The following ARB2A variants were observed in gnomAD, a reference collection of about 807,000 sequenced individuals.
The protein encoded by ARB2A is cotranscriptional regulator ARB2A.
At chr5:93,850,071 C>A in the ARB2A span, among the ~76,000 whole-genome samples, 5 of 152,012 alleles carry the variant, frequency 3.3e-5, no homozygotes, top group Non-Finnish European at 4.4e-5. Flanking sequence ...TTCATTTGCC[C>A]AACATAATAT....
chr5:93,883,918 TACACATACACAC>T, the ARB2A span, among the ~76,000 whole-genome samples: 151 of 68,386 alleles, frequency 2.2e-3, 1 homozygote, highest in African/African-American at 7.7e-3. Flanking sequence ...CACATACACA[TACACATACACAC>T]ACACACACAC....
chr5:93,772,477 T>A, the ARB2A span, among the ~76,000 whole-genome samples: 209 of 151,276 alleles, frequency 1.4e-3, no homozygotes, highest in African/African-American at 4.6e-3. Context: ...TAAAAAAATT[T>A]AAAAAAAAAG....
chr5:93,688,947 T>C, the ARB2A span, among the ~76,000 whole-genome samples: 2 of 152,174 alleles, frequency 1.3e-5, no homozygotes, highest in African/African-American at 4.8e-5. Flanking sequence ...ACTCTCTTAA[T>C]CCATTACCCT....
the ARB2A span, among the ~76,000 whole-genome samples, chr5:93,807,834 T>C: frequency 3.9e-5 from 6 of 151,936 alleles, no homozygotes; most frequent in African/African-American, 1.4e-4. Flanking sequence ...AAAAAAGCAA[T>C]ACTTATCCTT....
chr5:93,799,446 A>C, the ARB2A span, among the ~76,000 whole-genome samples: 1 of 152,072 alleles, frequency 6.6e-6, no homozygotes. Flanking sequence ...TAGCCTTCAC[A>C]TTAACACTGC....
the ARB2A span, among the ~76,000 whole-genome samples, chr5:93,686,600 C>T: frequency 6.6e-6 from 1 of 152,142 alleles, no homozygotes; most frequent in East Asian, 1.9e-4. Flanking sequence ...TTTCACTTCT[C>T]AACCTTTGCT....
the ARB2A span, among the ~76,000 whole-genome samples, chr5:93,963,679 G>A: frequency 6.6e-6 from 1 of 151,842 alleles, no homozygotes; most frequent in Non-Finnish European, 1.5e-5. Flanking sequence ...GCAAAGTGTT[G>A]TGCCTTAAAT....
the ARB2A span, among the ~76,000 whole-genome samples, chr5:93,671,784 T>C: frequency 6.6e-6 from 1 of 152,174 alleles, no homozygotes; most frequent in Non-Finnish European, 1.5e-5. Context: ...AATTGGTTGG[T>C]CACTGAAATA....
At chr5:93,854,958 T>G in the ARB2A span, among the ~76,000 whole-genome samples, 1 of 152,194 alleles carries the variant, frequency 6.6e-6, no homozygotes, top group East Asian at 1.9e-4. Flanking sequence ...GAGAGTTCTG[T>G]AGATGTCTAT....
At chr5:94,103,984 G>A in the ARB2A span, among the ~76,000 whole-genome samples, 37 of 151,626 alleles carry the variant, frequency 2.4e-4, no homozygotes, top group Non-Finnish European at 4.7e-4. Flanking sequence ...TGACATACCA[G>A]ATTCTCTGAG....
chr5:93,784,712 T>G, the ARB2A span, among the ~76,000 whole-genome samples: 1 of 152,136 alleles, frequency 6.6e-6, no homozygotes, highest in Non-Finnish European at 1.5e-5. Context: ...AAAATACCAC[T>G]TAAGTCTTAG....
chr5:94,082,951 C>G, the ARB2A span, among the ~76,000 whole-genome samples: 1 of 152,092 alleles, frequency 6.6e-6, no homozygotes, highest in African/African-American at 2.4e-5. Flanking sequence ...ATCCAGAAAA[C>G]AAAACACATA....
At chr5:93,974,847 A>G in the ARB2A span, among the ~76,000 whole-genome samples, 1 of 152,200 alleles carries the variant, frequency 6.6e-6, no homozygotes, top group Non-Finnish European at 1.5e-5. Context: ...CACACAAACT[A>G]TATATGGATA....
chr5:93,666,069 A>G, the ARB2A span, among the ~76,000 whole-genome samples: 11 of 152,308 alleles, frequency 7.2e-5, no homozygotes, highest in African/African-American at 2.6e-4. Context: ...CTAGATGAAT[A>G]TTTAGTTTGA....
chr5:94,063,599 T>G, the ARB2A span, among the ~76,000 whole-genome samples: 1 of 151,866 alleles, frequency 6.6e-6, no homozygotes, highest in African/African-American at 2.4e-5. Context: ...AGCATATGCC[T>G]CCCTGGAACC....
At chr5:93,902,468 A>G in the ARB2A span, among the ~76,000 whole-genome samples, 1 of 152,184 alleles carries the variant, frequency 6.6e-6, no homozygotes, top group African/African-American at 2.4e-5. Flanking sequence ...GGCTTGAGAT[A>G]GGGTACAAAG....
the ARB2A span, among the ~76,000 whole-genome samples, chr5:94,053,842 C>G: frequency 6.6e-6 from 1 of 152,176 alleles, no homozygotes; most frequent in African/African-American, 2.4e-5. Context: ...TCTTGGCTCA[C>G]TCTCCAACCT....
At chr5:93,810,195 G>A in the ARB2A span, among the ~76,000 whole-genome samples, 7 of 136,832 alleles carry the variant, frequency 5.1e-5, no homozygotes, top group African/African-American at 1.1e-4. Context: ...TGTAGGTTTC[G>A]TTTTTTTTTT....
At chr5:93,811,298 C>A in the ARB2A span, among the ~76,000 whole-genome samples, 1 of 152,206 alleles carries the variant, frequency 6.6e-6, no homozygotes, top group Admixed American at 6.5e-5. Flanking sequence ...TTCCAGAGCA[C>A]CACATCAAAA....
Sources: allele counts gnomAD v4.1 joint callset (sites outside exome capture counted in the v4.1 genomes callset), GRCh38; gene constraint gnomAD v4.1.1; transcripts MANE v1.5; gene names NCBI Gene and HGNC (gene_info 2026-07-23, HGNC 2026-07-21).